GIPC2: variants seen among roughly 807,000 people sequenced by gnomAD.
GIPC2 encodes the protein PDZ domain-containing protein GIPC2.
In GIPC2, 30 loss-of-function variants were observed where a neutral mutation model predicts 30.6. That is an observed-to-expected ratio of 0.98 (90% confidence interval 0.73 to 1.33). The LOEUF (loss-of-function observed/expected upper bound fraction) is 1.33. Ranked by LOEUF, GIPC2 falls within the 40% of genes most tolerant of loss-of-function variation. The pLI, the probability that GIPC2 is intolerant of heterozygous loss-of-function variation, is 0.00. For synonymous variants in GIPC2, 167 were observed against 150.0 expected (o/e 1.11, Z -0.83); for missense variants, 414 against 390.3 (o/e 1.06, Z -0.51).
chr1:78,104,951 G>A (rs913015754), intron 3 of GIPC2, among the ~76,000 whole-genome samples: 10 of 152,096 alleles, frequency 6.6e-5, no homozygotes, highest in African/African-American at 9.7e-5. Flanking sequence ...TGGCCTCTTC[G>A]TATCTAGCTA....
chr1:78,071,978 A>G (rs549305692), intron 1 of GIPC2, among the ~76,000 whole-genome samples: 1 of 152,308 alleles, frequency 6.6e-6, no homozygotes, highest in Admixed American at 6.5e-5. Flanking sequence ...ATGTCCCCAC[A>G]CAGATAATAG....
At chr1:78,129,268 T>A (rs1005496732) in intron 5 of GIPC2, among the ~76,000 whole-genome samples, 16 of 152,342 alleles carry the variant, frequency 1.1e-4, no homozygotes, top group African/African-American at 3.8e-4. Context: ...TAAGCCATTG[T>A]TAAATTAGGA....
At chr1:78,101,780 C>T (rs879363525) in intron 3 of GIPC2, among the ~76,000 whole-genome samples, 2 of 152,156 alleles carry the variant, frequency 1.3e-5, no homozygotes, top group African/African-American at 4.8e-5. Context: ...TTCCTTTCTC[C>T]TTTTGCCAAT....
intron 3 of GIPC2, among the ~76,000 whole-genome samples, chr1:78,097,254 A>T (rs149683393): frequency 1.0e-3 from 156 of 152,184 alleles, no homozygotes; most frequent in African/African-American, 3.4e-3. Flanking sequence ...CAAGAATTCA[A>T]ATTTCATAGT....
intron 2 of GIPC2, among the ~76,000 whole-genome samples, chr1:78,085,897 G>GTTTTTTTTTTTT (rs35412467): frequency 3.3e-5 from 4 of 120,304 alleles, no homozygotes; most frequent in Non-Finnish European, 5.1e-5. Flanking sequence ...TCTTTTGAAT[G>GTTTTTTTTTTTT]TTTTTTTTTT....
chr1:78,091,293 G>A (rs1662032958), intron 2 of GIPC2, among the ~76,000 whole-genome samples: 1 of 152,204 alleles, frequency 6.6e-6, no homozygotes, highest in African/African-American at 2.4e-5. Context: ...ATTATTATGG[G>A]CGAGGTTTGA....
chr1:78,067,538 G>A (rs150383170), intron 1 of GIPC2, among the ~76,000 whole-genome samples: 22 of 151,770 alleles, frequency 1.4e-4, no homozygotes, highest in African/African-American at 5.1e-4. Flanking sequence ...TGCAACCTCC[G>A]CCTCCCTAGT....
At chr1:78,135,262 C>CA (rs1662979052) in intron 5 of GIPC2, among the ~76,000 whole-genome samples, 1 of 152,068 alleles carries the variant, frequency 6.6e-6, no homozygotes. Context: ...TAGGGTTAGT[C>CA]ACAGCCACAG....
intron 5 of GIPC2, among the ~76,000 whole-genome samples, chr1:78,134,873 G>A (rs961102849): frequency 2.0e-5 from 3 of 152,088 alleles, no homozygotes; most frequent in Admixed American, 1.3e-4. Flanking sequence ...AGGGTGCTGA[G>A]TGGAAATCCA....
chr1:78,094,929 T>C lies in GIPC2; in HGVS notation c.427-23T>C, dbSNP rs202235302. ...CATTACACAGTTCTATTTTATATTA[T>C]GTTATCATCAATTTCCTTTCAGAGA... On this transcript the variant is annotated intron_variant, in intron 2 of 5. Transcript: ENST00000370759. 4.8e-4 allele frequency: 714 copies of C among 1,476,752 alleles called. 1 individual carries two copies. Among genetic ancestry groups the C allele is most frequent in the Admixed American group, 3.5e-4 (21 of 59,202 alleles). The allele number at this position is 1,476,752 out of a possible 1,614,324, so 91.5% of individuals were successfully genotyped here. A position where few individuals can be genotyped will look rare whatever the true frequency, so the allele number is the denominator to read the frequency against.
intron 5 of GIPC2, among the ~76,000 whole-genome samples, chr1:78,129,464 C>T (rs969361555): frequency 6.6e-6 from 1 of 152,080 alleles, no homozygotes; most frequent in Non-Finnish European, 1.5e-5. Flanking sequence ...AAGTATATAT[C>T]TTAAAAATTT....
At chr1:78,132,777 A>T (rs920870257) in intron 5 of GIPC2, among the ~76,000 whole-genome samples, 1 of 151,584 alleles carries the variant, frequency 6.6e-6, no homozygotes, top group Non-Finnish European at 1.5e-5. Context: ...TAAGAGTGTC[A>T]TCTATACTGT....
At chr1:78,060,177 ATC>A (rs1445125303) in intron 1 of GIPC2, among the ~76,000 whole-genome samples, 2 of 149,706 alleles carry the variant, frequency 1.3e-5, no homozygotes, top group Non-Finnish European at 3.0e-5. Context: ...AACCTGTTTC[ATC>A]TCTCTTTTTT....
At chr1:78,045,387 T>C (rs1191023836), upstream of GIPC2, among the ~76,000 whole-genome samples, 1 of 152,210 alleles carries the variant, frequency 6.6e-6, no homozygotes, top group African/African-American at 2.4e-5. Flanking sequence ...CAATTTTCTT[T>C]GTACTATATG....
At chr1:78,060,375 G>A (rs1661370103) in intron 1 of GIPC2, among the ~76,000 whole-genome samples, 1 of 151,994 alleles carries the variant, frequency 6.6e-6, no homozygotes, top group Non-Finnish European at 1.5e-5. Context: ...AAACTCCTGA[G>A]CTCAAGCAAT....
intron 3 of GIPC2, among the ~76,000 whole-genome samples, chr1:78,109,571 A>T (rs939534421): frequency 3.9e-5 from 6 of 152,198 alleles, no homozygotes; most frequent in African/African-American, 1.4e-4. Context: ...GATAATAATC[A>T]TACCTATCTC....
At chr1:78,129,786 T>C (rs992978008) in intron 5 of GIPC2, among the ~76,000 whole-genome samples, 1 of 152,190 alleles carries the variant, frequency 6.6e-6, no homozygotes, top group African/African-American at 2.4e-5. Flanking sequence ...AGTTTCTTCT[T>C]GAATGTTTAA....
chr1:78,084,510 C>CA (rs11432277), intron 2 of GIPC2, among the ~76,000 whole-genome samples: 77,379 of 128,760 alleles, frequency 0.6, 22,990 homozygotes, highest in South Asian at 0.7. Context: ...GACTCTGTCT[C>CA]AAAAAAAAAA....
At chr1:78,089,197 C>T (rs79075889) in intron 2 of GIPC2, 6,990 of 152,188 alleles carry the variant, frequency 0.046, 203 homozygotes, top group South Asian at 0.093. Context: ...CATTACAGTG[C>T]GGTGCATAGG....
Sources: gnomAD v4.1 joint callset for allele counts (sites outside exome capture counted in the v4.1 genomes callset) on GRCh38, gnomAD v4.1.1 for gene constraint, MANE v1.5 for transcripts, NCBI Gene and HGNC (gene_info 2026-07-23, HGNC 2026-07-21) for gene names.